The following TTF1 variants were observed in gnomAD, a reference collection of about 807,000 sequenced individuals.
TTF1 encodes transcription termination factor, RNA polymerase I.
In TTF1, 64 loss-of-function variants were observed where a neutral mutation model predicts 80.2. That is an observed-to-expected ratio of 0.80 (90% CI 0.65 to 0.98). TTF1 has a LOEUF of 0.98. TTF1 is among the 50% of genes least tolerant of loss of function. The pLI is 0.00. For missense variants in TTF1, 1,023 were observed against 1,086.2 expected (o/e 0.94, Z 0.82); for synonymous variants, 372 against 382.7 (o/e 0.97, Z 0.33).
In TTF1 at chr9:132,398,426, C is replaced by T. The variant is rs980670273; in HGVS notation, c.1592-100G>A. On this transcript the variant is annotated intron_variant, in intron 3 of 10. Transcript: ENST00000334270. ...CATCAGCAATGACAGTACCTCGGCCCAACAGTCCCAACACCTGACATTCGC... is the reference window on the plus strand; with the variant it reads ...CATCAGCAATGACAGTACCTCGGCCTAACAGTCCCAACACCTGACATTCGC... The T allele has an allele frequency of 3.4e-6, 4 of 1,180,984 alleles. No individual in the cohort carries two copies. In the African/African-American group the frequency reaches 6.3e-5, roughly 18 times the overall value. The allele number at this position is 1,180,984 out of a possible 1,614,324, so 73.2% of individuals were successfully genotyped here. A position where few individuals can be genotyped will look rare whatever the true frequency, so the allele number is the denominator to read the frequency against.
chr9:132,389,587 A>G (rs554479), intron 7 of TTF1, among the ~76,000 whole-genome samples: 142,367 of 152,220 alleles, frequency 0.94, 67,352 homozygotes, highest in East Asian at 1. Context: ...AGGTATATAA[A>G]CAGTATGATC....
chr9:132,387,095 C>A (rs1849481882), intron 8 of TTF1, among the ~76,000 whole-genome samples: 3 of 152,110 alleles, frequency 2.0e-5, no homozygotes, highest in Admixed American at 2.0e-4. Context: ...GAAGCTGGAA[C>A]CATAAGCACG....
chr9:132,384,633 CT>C lies in TTF1; in HGVS notation c.2378+1922del, dbSNP rs1392538864. ...GTGAGTGGTAAGGGGACACTTTTCA[CT>C]GTGTTTCCTTTCAGGTTTCTTTCTT... On this transcript the variant is annotated intron_variant, in intron 9 of 10. Transcript: ENST00000334270. The surrounding 1 kb of genome is among the most constrained non-coding windows in gnomAD (Gnocchi z 4.1). Among the ~76,000 whole-genome samples, 1 of 152,130 alleles carries C rather than the reference CT, an allele frequency of 6.6e-6. No homozygotes were observed. Among genetic ancestry groups the C allele is most frequent in the African/African-American group, 2.4e-5 (1 of 41,424 alleles).
chr9:132,388,655 ACTAT>A (rs1219454973), intron 7 of TTF1, among the ~76,000 whole-genome samples: 5 of 152,052 alleles, frequency 3.3e-5, no homozygotes, highest in Admixed American at 6.6e-5. Flanking sequence ...ATGTATTTTG[ACTAT>A]CTATGCACAG....
In TTF1 at chr9:132,387,461, G is replaced by A. The variant is rs549168704; in HGVS notation, c.2312+678C>T. ...CTCTCTAGCAGGGAAGACTGGGCGG[G>A]GGCATAACCACCCCCCGATCCACCC... On this transcript the variant is annotated intron_variant, in intron 8 of 10. Coordinates refer to ENST00000334270, the MANE Select transcript of TTF1 (RefSeq NM_007344.4). Among the ~76,000 whole-genome samples, 30 of 152,186 alleles carry A rather than the reference G, an allele frequency of 2.0e-4. 1 individual carries two copies. The South Asian group carries it at 5.6e-3, about 28-fold the overall frequency.
chr9:132,400,018 A>C lies in TTF1; in HGVS notation c.1591+17T>G, dbSNP rs765916269. 75 of 1,613,536 alleles carry C rather than the reference A, an allele frequency of 4.6e-5. No individual in the cohort carries two copies. Among genetic ancestry groups the C allele is most frequent in the Non-Finnish European group, 6.3e-5 (74 of 1,179,546 alleles). The stretch of plus-strand genomic sequence containing the variant: ...CATACAGGAAGTTCAACAAACACTA[A>C]GGCCCCACAAGCTCACCTTGTGCTT... On this transcript the variant is annotated intron_variant, in intron 3 of 10. Transcript: ENST00000334270.
intron 1 of TTF1, among the ~76,000 whole-genome samples, chr9:132,406,085 C>T (rs1849860528): frequency 6.6e-6 from 1 of 152,172 alleles, no homozygotes; most frequent in South Asian, 2.1e-4. Flanking sequence ...CCAAATGGCT[C>T]CCCAGTCAGT....
intron 9 of TTF1, 68 bp from the exon 10 acceptor site, chr9:132,379,212 G>T (rs1849323680): frequency 1.7e-6 from 2 of 1,151,820 alleles, no homozygotes; most frequent in Admixed American, 4.7e-5. Context: ...ATACAGTGTA[G>T]TAAGTACATT....
Position 132,375,883 on chromosome 9 carries a change from A to C in TTF1, c.*32T>G, listed in dbSNP as rs1849163863. 7.4e-7 allele frequency: 1 copy of C among 1,343,240 alleles called. No individual in the cohort carries two copies. Among genetic ancestry groups the C allele is most frequent in the African/African-American group, 1.5e-5 (1 of 68,682 alleles). 83.2% of individuals were successfully genotyped at this position (1,343,240 alleles called of 1,614,324 possible). A position where few individuals can be genotyped will look rare whatever the true frequency, so the allele number is the denominator to read the frequency against. ...TTTTTAATAGTGACAGGTCTTCACC[A>C]TGTTGGTCAGGCCGGTCTCGAACTC... On this transcript the variant is annotated 3_prime_UTR_variant, in exon 11 of 11. Transcript: ENST00000334270.
chr9:132,404,938 T>C (rs1384222225), intron 1 of TTF1, among the ~76,000 whole-genome samples: 1 of 152,042 alleles, frequency 6.6e-6, no homozygotes, highest in Non-Finnish European at 1.5e-5. Flanking sequence ...CAGGCTGGAG[T>C]GCAGTGGCGT....
intron 8 of TTF1, among the ~76,000 whole-genome samples, 171 bp from the exon 9 acceptor site, chr9:132,386,792 TCA>T (rs1365175314): frequency 6.6e-6 from 1 of 152,196 alleles, no homozygotes; most frequent in Non-Finnish European, 1.5e-5. Flanking sequence ...TTAATCCAGG[TCA>T]GTCAGTTGGT....
intron 7 of TTF1, among the ~76,000 whole-genome samples, chr9:132,389,072 C>T (rs527124): frequency 0.94 from 142,436 of 152,198 alleles, 67,410 homozygotes; most frequent in East Asian, 1. Context: ...AAATCTTGCA[C>T]GTTATCTTAA....
chr9:132,395,971 T>C (rs1354861240), intron 5 of TTF1, among the ~76,000 whole-genome samples: 3 of 152,174 alleles, frequency 2.0e-5, no homozygotes, highest in African/African-American at 7.2e-5. Context: ...GACAACCGGG[T>C]TAAGCACCCC....
At chr9:132,376,540 C>T (rs564133069) in intron 10 of TTF1, among the ~76,000 whole-genome samples, 3 of 152,176 alleles carry the variant, frequency 2.0e-5, no homozygotes, top group South Asian at 2.1e-4. Flanking sequence ...ATACCAGTGC[C>T]GTGCAGACTG....
Position 132,402,547 on chromosome 9 carries a change from C to T in TTF1, c.275G>A (p.Ser92Asn). 2 of 1,614,224 alleles carry T rather than the reference C, an allele frequency of 1.2e-6. No individual in the cohort carries two copies. The highest frequency in any genetic ancestry group is 4.5e-5 in the East Asian group (2 of 44,888). The change falls in exon 2 of 11, where the codon AGT (serine) becomes AAT (asparagine). Residue 92 changes from serine (S) to asparagine (N), a missense_variant. Physicochemically the swap from Ser to Asn is conservative, Grantham distance 46. Transcript: ENST00000334270. ...TLKKRKKRRY[S>N]ALEVDEEAGV... The stretch of plus-strand genomic sequence containing the variant: ...TGCTTCCTCGTCCACCTCCAAAGCA[C>T]TATATCTTCTCTTTTTTCTCTTTTT...
chr9:132,383,393 C>G (rs1849405857), intron 9 of TTF1, among the ~76,000 whole-genome samples: 3 of 152,122 alleles, frequency 2.0e-5, no homozygotes, highest in South Asian at 2.1e-4. Context: ...GTGAAACTTC[C>G]TGATTCTCGA....
Position 132,390,748 on chromosome 9 carries a change from GAGACATCTTC to G in TTF1, c.2061_2070del (p.Lys687AsnfsTer5). 6.2e-7 allele frequency: 1 copy of G among 1,614,204 alleles called. No homozygotes were observed. ...GAATCCACCTCTTTTAACTCCTGGGGAGACATCTTCTTCAGAATCACTTCTTCGACAGCCT... is the reference window on the plus strand; with the variant it reads ...GAATCCACCTCTTTTAACTCCTGGGGTTCAGAATCACTTCTTCGACAGCCT... On this transcript the variant is annotated frameshift_variant, in exon 7 of 11. Coordinates refer to ENST00000334270, the MANE Select transcript of TTF1 (RefSeq NM_007344.4). LOFTEE classifies it high-confidence loss of function.
At chr9:132,388,096 G>A in intron 8 of TTF1, 43 bp downstream of exon 8, 1 of 1,484,998 alleles carries the variant, frequency 6.7e-7, no homozygotes, top group Non-Finnish European at 9.3e-7. Flanking sequence ...TCTTTGGCTA[G>A]AGACAGAAAC....
intron 2 of TTF1, 88 bp downstream of exon 2, chr9:132,401,366 TA>T (rs916677556): frequency 3.8e-5 from 44 of 1,170,022 alleles, no homozygotes; most frequent in African/African-American, 1.1e-4. Flanking sequence ...AAATTAAAAA[TA>T]AAAAAAAGTC....
Sources: gnomAD v4.1 joint callset for allele counts (sites outside exome capture counted in the v4.1 genomes callset) on GRCh38, gnomAD v4.1.1 for gene constraint, Gnocchi (gnomAD v3.1) non-coding constraint, MANE v1.5 for transcripts, NCBI Gene and HGNC (gene_info 2026-07-23, HGNC 2026-07-21) for gene names.